ARHGAP23: variants seen among roughly 807,000 people sequenced by gnomAD.
ARHGAP23 encodes rho GTPase-activating protein 23.
Under a neutral mutation model 136.3 loss-of-function variants are expected in ARHGAP23, and 34 were observed. The observed-to-expected ratio is 0.25, with a 90% CI of 0.19 to 0.33. The LOEUF (loss-of-function observed/expected upper bound fraction) is 0.33. Among genes scored for constraint, ARHGAP23 ranks in the 10% least tolerant of loss-of-function variants. The probability of loss-of-function intolerance (pLI) is 1.00; values close to 1 mark genes in which losing one functional copy is unlikely to be tolerated. For missense variants in ARHGAP23, 1,808 were observed against 2,139.0 expected, an observed-to-expected ratio of 0.85 and a Z score of 3.05; for synonymous variants, 832 against 920.5, an observed-to-expected ratio of 0.90 and a Z score of 1.74.
chr17:38,470,789 G>A (rs1415730206), intron 10 of ARHGAP23, among the ~76,000 whole-genome samples: 1 of 151,624 alleles, frequency 6.6e-6, no homozygotes, highest in Non-Finnish European at 1.5e-5. Flanking sequence ...CACCCACCTC[G>A]GCCTCCCAAA....
At position 38,466,669 on chromosome 17, in the gene ARHGAP23, G is replaced by T. The variant is rs762128110; in HGVS notation, c.986G>T (p.Trp329Leu). Residue 329 changes from tryptophan to leucine, a missense_variant, in exon 7 of 24, where the codon TGG becomes TTG. Coordinates refer to ENST00000622683, the MANE Select transcript of ARHGAP23 (RefSeq NM_001199417.2). ...GAGGAGGTGGCTGCCCCCCGCCCGT[G>T]GCCCTGCTCCACCTCCCAGGATGCT... is the stretch of plus-strand genomic sequence containing the variant. ...RLEEVAAPRP[W>L]PCSTSQDALS... 12 of 1,514,062 alleles carry T rather than the reference G, an allele frequency of 7.9e-6. No homozygotes were observed. The highest frequency in any genetic ancestry group is 9.7e-6 in the Non-Finnish European group (11 of 1,133,056). The allele number at this position is 1,514,062 out of a possible 1,614,324, so 93.8% of individuals were successfully genotyped here.
intron 1 of ARHGAP23, among the ~76,000 whole-genome samples, chr17:38,448,788 G>GGTT (rs1422760705): frequency 1.4e-5 from 2 of 146,878 alleles, no homozygotes; most frequent in Admixed American, 6.7e-5. Flanking sequence ...TGGGACCAGA[G>GGTT]GTGCACGCCA....
At chr17:38,482,780 C>T (rs1296910564) in intron 16 of ARHGAP23, 102 bp downstream of exon 16, 1 of 1,292,580 alleles carries the variant, frequency 7.7e-7, no homozygotes, top group Non-Finnish European at 1.1e-6. Flanking sequence ...TGCATTGTGC[C>T]CTATGACATG....
At chr17:38,490,693 C>T in intron 19 of ARHGAP23, 142 bp downstream of exon 19, 1 of 702,046 alleles carries the variant, frequency 1.4e-6, no homozygotes, top group Non-Finnish European at 2.6e-6. Context: ...GCTCCGTCCC[C>T]ACCCCGCTCC....
At chr17:38,457,840 T>G (rs1292595358) in intron 1 of ARHGAP23, 1 of 567,988 alleles carries the variant, frequency 1.8e-6, no homozygotes. Context: ...TGAACTTGCT[T>G]CAGTGAGTTA....
At chr17:38,486,766 GA>G (rs2040169675) in intron 17 of ARHGAP23, among the ~76,000 whole-genome samples, 1 of 152,234 alleles carries the variant, frequency 6.6e-6, no homozygotes, top group African/African-American at 2.4e-5. Context: ...AAGGCTCAGA[GA>G]AGTTTAATGC....
intron 16 of ARHGAP23, among the ~76,000 whole-genome samples, chr17:38,483,391 C>T (rs2040090698): frequency 6.6e-6 from 1 of 152,224 alleles, no homozygotes; most frequent in Non-Finnish European, 1.5e-5. Flanking sequence ...TAAGTGTTTC[C>T]AGCAAGGCCG....
chr17:38,500,456 A>G, intron 22 of ARHGAP23, 141 bp from the exon 23 acceptor site: 2 of 711,244 alleles, frequency 2.8e-6, no homozygotes, highest in East Asian at 2.7e-5. Flanking sequence ...TGTCCATCAT[A>G]CTCCTAGGGC....
intron 20 of ARHGAP23, among the ~76,000 whole-genome samples, chr17:38,495,586 T>A (rs747022479): frequency 6.6e-6 from 1 of 152,170 alleles, no homozygotes; most frequent in African/African-American, 2.4e-5. Flanking sequence ...ATCTCTTTCT[T>A]CTTTCCCTTC....
Position 38,510,228 on chromosome 17 carries a change from C to G in ARHGAP23, c.3732C>G (p.Arg1244=), listed in dbSNP as rs193298448. ...AGGAGCGGCCGGCCGCGGACACGCG[C>G]TCCATTGTGTCGGGCTACTCCACCC... ...APEERPAADT[R]SIVSGYSTLS... is the part of the protein sequence containing the mutation. The change falls in exon 24 of 24, where the codon CGC becomes CGG. Residue 1244 remains arginine (R), a synonymous_variant. Coordinates refer to ENST00000622683, the MANE Select transcript of ARHGAP23 (RefSeq NM_001199417.2). This position sits in a 1 kb window ranked among gnomAD's most constrained non-coding sequence, Gnocchi z 4.6. The G allele has an allele frequency of 1.0e-3, 1,442 of 1,379,468 alleles. 10 individuals carry two copies. The African/African-American group carries it at 0.02, about 19-fold the overall frequency. 85.5% of individuals were successfully genotyped at this position (1,379,468 alleles called of 1,614,324 possible). A position where few individuals can be genotyped will look rare whatever the true frequency, so the allele number is the denominator to read the frequency against.
intron 1 of ARHGAP23, among the ~76,000 whole-genome samples, chr17:38,433,441 G>A (rs1597738392): frequency 6.6e-6 from 1 of 152,164 alleles, no homozygotes; most frequent in South Asian, 2.1e-4. Context: ...GACCTTTATG[G>A]TCAGAGCAAT....
chr17:38,509,259 TCA>T (rs557421890), intron 23 of ARHGAP23, among the ~76,000 whole-genome samples: 48 of 151,614 alleles, frequency 3.2e-4, no homozygotes, highest in Middle Eastern at 6.8e-3. Flanking sequence ...GGGTTGGAAA[TCA>T]CAGTTTGGGA....
At chr17:38,478,560 G>T (rs1201368155) in intron 12 of ARHGAP23, among the ~76,000 whole-genome samples, 1 of 152,024 alleles carries the variant, frequency 6.6e-6, no homozygotes, top group African/African-American at 2.4e-5. Context: ...GACTATAGGC[G>T]CATGCCACCA....
Position 38,477,628 on chromosome 17 carries a change from G to C in ARHGAP23, c.2168G>C (p.Arg723Pro). The change falls in exon 12 of 24, where the codon CGG becomes CCG. Residue 723 changes from arginine (R) to proline (P), a missense_variant. Transcript: ENST00000622683. This position sits in a 1 kb window ranked among gnomAD's most constrained non-coding sequence, Gnocchi z 6.6. ...TGGAAGCGGGTGTACGCCGCGCTGC[G>C]GGCGCGCTCGCTCTCGCTGAGCAAG... is the stretch of plus-strand genomic sequence containing the variant. ...RQWKRVYAAL[R>P]ARSLSLSKER... The C allele has an allele frequency of 7.9e-7, 1 of 1,273,086 alleles. No homozygotes were observed. Among genetic ancestry groups the C allele is most frequent in the South Asian group, 2.3e-5 (1 of 42,752 alleles). 78.9% of individuals were successfully genotyped at this position (1,273,086 alleles called of 1,614,324 possible).
chr17:38,486,198 C>A (rs1447348406), intron 17 of ARHGAP23, 58 bp downstream of exon 17: 29 of 1,411,366 alleles, frequency 2.1e-5, no homozygotes, highest in Non-Finnish European at 2.7e-5. Flanking sequence ...CTCACCCTGA[C>A]CACTACTTTT....
At position 38,510,988 on chromosome 17, in the gene ARHGAP23, C is replaced by A; in HGVS notation, c.*16C>A. ...GTGTCTGTGATCCCCACCTCCCGCG[C>A]CGCTCGGGCGCCACCCCTCCCTAGA... On this transcript the variant is annotated 3_prime_UTR_variant, in exon 24 of 24. Transcript: ENST00000622683. The surrounding 1 kb of genome is among the most constrained non-coding windows in gnomAD (Gnocchi z 4.6). The A allele has an allele frequency of 7.1e-7, 1 of 1,411,820 alleles. No homozygotes were observed. Among genetic ancestry groups the A allele is most frequent in the Non-Finnish European group, 9.1e-7 (1 of 1,096,404 alleles). The allele number at this position is 1,411,820 out of a possible 1,614,324, so 87.5% of individuals were successfully genotyped here.
At chr17:38,459,242 C>G (rs2039402892) in intron 2 of ARHGAP23, among the ~76,000 whole-genome samples, 1 of 152,190 alleles carries the variant, frequency 6.6e-6, no homozygotes. Flanking sequence ...CAGGGGACTT[C>G]ACTGTCTGTG....
intron 20 of ARHGAP23, among the ~76,000 whole-genome samples, chr17:38,496,250 A>C (rs991932487): frequency 6.6e-6 from 1 of 152,062 alleles, no homozygotes; most frequent in African/African-American, 2.4e-5. Flanking sequence ...CTTCCACCAC[A>C]TCTAAAAGCC....
upstream of ARHGAP23, among the ~76,000 whole-genome samples, chr17:38,427,183 C>G (rs2038582470): frequency 6.6e-6 from 1 of 152,186 alleles, no homozygotes; most frequent in Middle Eastern, 3.2e-3. Context: ...AAGGACAAGG[C>G]CAGGCATGGT....
Sources: allele counts gnomAD v4.1 joint callset (sites outside exome capture counted in the v4.1 genomes callset), GRCh38; gene constraint gnomAD v4.1.1; non-coding constraint Gnocchi (gnomAD v3.1); transcripts MANE v1.5; gene names NCBI Gene and HGNC (gene_info 2026-07-23, HGNC 2026-07-21).